The following MGMT variants were observed in gnomAD, a reference collection of about 807,000 sequenced individuals.
MGMT encodes the protein methylated-DNA--protein-cysteine methyltransferase.
A neutral mutation model predicts 15.9 loss-of-function variants in MGMT; 14 were observed. The observed-to-expected ratio is 0.88, with a 90% CI of 0.58 to 1.37. MGMT has a LOEUF of 1.37. MGMT is among the 40% of genes most tolerant of loss of function. The pLI, the probability that MGMT is intolerant of heterozygous loss-of-function variation, is 0.00. For synonymous variants in MGMT, 130 were observed against 118.2 expected, an observed-to-expected ratio of 1.10 and a Z score of -0.65; for missense variants, 282 against 268.1, an observed-to-expected ratio of 1.05 and a Z score of -0.36.
intron 2 of MGMT, among the ~76,000 whole-genome samples, chr10:129,585,687 G>A (rs554058937): frequency 2.9e-4 from 44 of 152,264 alleles, no homozygotes; most frequent in African/African-American, 1.1e-3. Flanking sequence ...TTTGAACTTT[G>A]TAGAATTTTT....
chr10:129,724,034 G>A (rs921845423), intron 3 of MGMT, among the ~76,000 whole-genome samples: 3 of 152,214 alleles, frequency 2.0e-5, no homozygotes, highest in African/African-American at 4.8e-5. Context: ...TTATCCAGGA[G>A]AAATTAAAAC....
chr10:129,751,573 CT>C (rs1782888211), intron 3 of MGMT, among the ~76,000 whole-genome samples: 1 of 151,572 alleles, frequency 6.6e-6, no homozygotes, highest in South Asian at 2.1e-4. Context: ...TTATTTTTCT[CT>C]TCTTTTTCTG....
intron 2 of MGMT, among the ~76,000 whole-genome samples, chr10:129,649,578 G>C (rs1370667527): frequency 6.6e-6 from 1 of 152,152 alleles, no homozygotes; most frequent in Non-Finnish European, 1.5e-5. Flanking sequence ...TCACATCAGA[G>C]ACACAATTGG....
chr10:129,612,896 A>G (rs71476170), intron 2 of MGMT, among the ~76,000 whole-genome samples: 21 of 152,194 alleles, frequency 1.4e-4, no homozygotes, highest in Non-Finnish European at 2.8e-4. Context: ...CTTCCTGAGC[A>G]GTGAGACTCT....
chr10:129,642,558 C>A (rs1051068086), intron 2 of MGMT, among the ~76,000 whole-genome samples: 7 of 152,134 alleles, frequency 4.6e-5, no homozygotes, highest in Non-Finnish European at 1.0e-4. Flanking sequence ...CCTTATGTGA[C>A]CCTGTGTGAG....
At chr10:129,762,114 G>A (rs914942524) in intron 4 of MGMT, among the ~76,000 whole-genome samples, 3 of 152,216 alleles carry the variant, frequency 2.0e-5, no homozygotes, top group African/African-American at 7.2e-5. Context: ...CCTCAGGAAT[G>A]TTTCCCTTTG....
intron 3 of MGMT, among the ~76,000 whole-genome samples, chr10:129,729,701 C>T (rs182713158): frequency 3.9e-4 from 59 of 152,308 alleles, no homozygotes; most frequent in Admixed American, 2.0e-3. Context: ...ATGCCTGCCG[C>T]GTGGCATAAT....
intron 1 of MGMT, among the ~76,000 whole-genome samples, chr10:129,527,605 G>A (rs968010867): frequency 1.2e-4 from 19 of 152,212 alleles, no homozygotes; most frequent in Admixed American, 1.2e-3. Flanking sequence ...CCTGTTCACA[G>A]CACGCTTATA....
At chr10:129,568,064 G>A (rs1222208110) in intron 2 of MGMT, among the ~76,000 whole-genome samples, 3 of 152,172 alleles carry the variant, frequency 2.0e-5, no homozygotes, top group Admixed American at 1.3e-4. Flanking sequence ...AGAGAAATAC[G>A]CTTTAAATGC....
At chr10:129,700,212 C>T (rs1848082018) in intron 2 of MGMT, 1 of 152,152 alleles carries the variant, frequency 6.6e-6, no homozygotes, top group Non-Finnish European at 1.5e-5. Flanking sequence ...TGTCATGAGC[C>T]CGTTGGCATG....
chr10:129,720,499 C>T (rs1379881045), intron 3 of MGMT, among the ~76,000 whole-genome samples: 1 of 152,192 alleles, frequency 6.6e-6, no homozygotes, highest in Non-Finnish European at 1.5e-5. Flanking sequence ...CTAGCTGGTT[C>T]CTGAGTACCA....
intron 2 of MGMT, among the ~76,000 whole-genome samples, chr10:129,540,671 G>A (rs1036379029): frequency 1.3e-5 from 2 of 152,198 alleles, no homozygotes; most frequent in African/African-American, 4.8e-5. Context: ...TCTTTGTCTT[G>A]TTTTGGAATT....
intron 2 of MGMT, among the ~76,000 whole-genome samples, chr10:129,567,140 G>A (rs1846363932): frequency 6.6e-6 from 1 of 152,110 alleles, no homozygotes; most frequent in South Asian, 2.1e-4. Flanking sequence ...ATGCCTTTGT[G>A]CTTCTCCCGC....
chr10:129,471,020 A>G (rs1172338735), intron 1 of MGMT, among the ~76,000 whole-genome samples: 2 of 152,202 alleles, frequency 1.3e-5, no homozygotes, highest in African/African-American at 4.8e-5. Context: ...TTGCGAAGTC[A>G]GCAGAGGCTC....
chr10:129,505,915 G>A (rs12261364), intron 1 of MGMT, among the ~76,000 whole-genome samples: 32,891 of 151,536 alleles, frequency 0.22, 4,146 homozygotes, highest in Non-Finnish European at 0.28. Context: ...TGATCCCTTC[G>A]GTCAGGTGCT....
intron 2 of MGMT, among the ~76,000 whole-genome samples, chr10:129,654,639 A>G (rs1564749910): frequency 1.3e-5 from 2 of 151,898 alleles, no homozygotes; most frequent in Non-Finnish European, 2.9e-5. Flanking sequence ...CAGGGCCTGT[A>G]TGGGTGGGTA....
chr10:129,604,217 G>A (rs1846859942), intron 2 of MGMT, among the ~76,000 whole-genome samples: 1 of 152,132 alleles, frequency 6.6e-6, no homozygotes, highest in Non-Finnish European at 1.5e-5. Context: ...AGGGGCTGCC[G>A]GGGCCTTTGG....
intron 2 of MGMT, among the ~76,000 whole-genome samples, chr10:129,546,728 C>T (rs1295205028): frequency 6.6e-6 from 1 of 152,094 alleles, no homozygotes; most frequent in Non-Finnish European, 1.5e-5. Context: ...TGGCAGAGCA[C>T]AGAGGGTGGA....
chr10:129,537,777 A>G (rs1025625823), intron 2 of MGMT, among the ~76,000 whole-genome samples: 3 of 152,230 alleles, frequency 2.0e-5, no homozygotes, highest in African/African-American at 7.2e-5. Context: ...AAATAATGCT[A>G]AATCCTGAAT....
Sources: allele counts gnomAD v4.1 joint callset (sites outside exome capture counted in the v4.1 genomes callset), GRCh38; gene constraint gnomAD v4.1.1; transcripts MANE v1.5; gene names NCBI Gene and HGNC (gene_info 2026-07-23, HGNC 2026-07-21).